The following NAALADL2 variants were observed in gnomAD, a reference collection of about 807,000 sequenced individuals.
NAALADL2 encodes inactive N-acetylated-alpha-linked acidic dipeptidase-like protein 2.
Under a neutral mutation model 87.2 loss-of-function variants are expected in NAALADL2, and 76 were observed. That is an observed-to-expected ratio of 0.87 (90% confidence interval 0.72 to 1.05). The LOEUF (loss-of-function observed/expected upper bound fraction) is 1.05, where lower values mean the gene tolerates loss of function less well. NAALADL2 is among the 50% of genes least tolerant of loss of function. The probability of loss-of-function intolerance (pLI) is 0.00; values close to 1 mark genes in which losing one functional copy is unlikely to be tolerated. For missense variants in NAALADL2, 1,089 were observed against 945.8 expected (o/e 1.15, Z -1.99); for synonymous variants, 354 against 331.0 (o/e 1.07, Z -0.75).
At chr3:175,732,430 G>T (rs921872540) in intron 11 of NAALADL2, among the ~76,000 whole-genome samples, 9 of 152,172 alleles carry the variant, frequency 5.9e-5, no homozygotes, top group African/African-American at 1.9e-4. Context: ...AAATTAATTT[G>T]TAAATGATTC....
intron 4 of NAALADL2, among the ~76,000 whole-genome samples, chr3:175,272,636 C>A (rs1460442463): frequency 6.6e-6 from 1 of 152,062 alleles, no homozygotes; most frequent in Non-Finnish European, 1.5e-5. Flanking sequence ...ATATGTCACC[C>A]CAGGTACAGC....
chr3:174,973,351 T>C (rs898365974), intron 1 of NAALADL2, among the ~76,000 whole-genome samples: 1 of 152,196 alleles, frequency 6.6e-6, no homozygotes, highest in African/African-American at 2.4e-5. Context: ...AATTAAGATG[T>C]TGCGATAAAC....
intron 11 of NAALADL2, among the ~76,000 whole-genome samples, chr3:175,635,462 G>A (rs374652869): frequency 2.0e-5 from 3 of 152,064 alleles, no homozygotes; most frequent in African/African-American, 7.2e-5. Flanking sequence ...ACATGTATTT[G>A]TTACAGAATC....
intron 1 of NAALADL2, among the ~76,000 whole-genome samples, chr3:175,052,942 T>C (rs574731336): frequency 6.6e-6 from 1 of 152,320 alleles, no homozygotes; most frequent in South Asian, 2.1e-4. Context: ...GGCCGTGGCA[T>C]GCAAACCGAG....
At chr3:175,331,020 T>C (rs187235957) in intron 5 of NAALADL2, among the ~76,000 whole-genome samples, 1 of 152,204 alleles carries the variant, frequency 6.6e-6, no homozygotes, top group Non-Finnish European at 1.5e-5. Flanking sequence ...TATGAACAAC[T>C]ATACACTAAC....
intron 11 of NAALADL2, among the ~76,000 whole-genome samples, chr3:175,667,193 AAGAAAGAAAGAAAG>A (rs1344797818): frequency 2.0e-5 from 2 of 99,920 alleles, no homozygotes; most frequent in African/African-American, 1.3e-4. Context: ...GAAAGAAAGA[AAGAAAGAAAGAAAG>A]AAAGAAAGAA....
At chr3:175,659,280 T>C (rs1341030790) in intron 11 of NAALADL2, among the ~76,000 whole-genome samples, 1 of 152,168 alleles carries the variant, frequency 6.6e-6, no homozygotes, top group Non-Finnish European at 1.5e-5. Context: ...AAGGGCAAAA[T>C]GGGAACATTG....
rs1370322139 is a variant in NAALADL2 at position 175,805,909 on chromosome 3, C to T, written c.*2706C>T. 6.6e-6 allele frequency: 1 copy of T among 151,846 alleles called. No homozygotes were observed. Among genetic ancestry groups the T allele is most frequent in the Non-Finnish European group, 1.5e-5 (1 of 67,872 alleles). The allele number at this position is 151,846 out of a possible 1,614,324, so 9.4% of individuals were successfully genotyped here. On this transcript the variant is annotated 3_prime_UTR_variant, in exon 14 of 14. Transcript: ENST00000454872. ...TTCTGGTCTAAGCCCTGAGATCTTG[C>T]CTTCAGCCAGAGAAGGCATTATCAA...
intron 3 of NAALADL2, among the ~76,000 whole-genome samples, chr3:174,820,783 T>G (rs992760378): frequency 6.6e-6 from 1 of 152,140 alleles, no homozygotes; most frequent in African/African-American, 2.4e-5. Context: ...GTTAATTTAA[T>G]AAAAGTAGTA....
chr3:175,068,343 T>C (rs1714938376), intron 1 of NAALADL2, among the ~76,000 whole-genome samples: 1 of 152,130 alleles, frequency 6.6e-6, no homozygotes, highest in Non-Finnish European at 1.5e-5. Context: ...TGGACATCAT[T>C]TGAAATAATT....
intron 11 of NAALADL2, among the ~76,000 whole-genome samples, chr3:175,720,649 C>G (rs1345678243): frequency 6.6e-6 from 1 of 151,614 alleles, no homozygotes; most frequent in Non-Finnish European, 1.5e-5. Context: ...AAACCCACAT[C>G]TAAAAAAAAA....
chr3:174,524,670 A>G (rs6805104), intron 1 of NAALADL2, among the ~76,000 whole-genome samples: 28,513 of 151,016 alleles, frequency 0.19, 2,884 homozygotes, highest in African/African-American at 0.26. Flanking sequence ...TCAGCCTCCT[A>G]CTGGGCAGCT....
intron 9 of NAALADL2, among the ~76,000 whole-genome samples, chr3:175,572,229 CA>C (rs1718185653): frequency 6.6e-6 from 1 of 151,996 alleles, no homozygotes; most frequent in Non-Finnish European, 1.5e-5. Context: ...TGAGGCGGCT[CA>C]AAAGTTAAGT....
chr3:175,590,720 T>C (rs4404458), intron 10 of NAALADL2, among the ~76,000 whole-genome samples: 134,280 of 151,842 alleles, frequency 0.88, 59,662 homozygotes, highest in Admixed American at 0.94. Context: ...TGATTCAATC[T>C]ACTACAAGGA....
chr3:174,843,014 G>A (rs1724196764), intron 3 of NAALADL2, among the ~76,000 whole-genome samples: 1 of 151,870 alleles, frequency 6.6e-6, no homozygotes, highest in African/African-American at 2.4e-5. Flanking sequence ...ATATATTTAT[G>A]AGGTTCAATT....
At chr3:175,655,365 G>C (rs1476868661) in intron 11 of NAALADL2, 1 of 216,156 alleles carries the variant, frequency 4.6e-6, no homozygotes, top group African/African-American at 2.3e-5. Flanking sequence ...GTAGTTCATA[G>C]GCAAGTTTTT....
chr3:174,814,039 A>G (rs1250556858), intron 3 of NAALADL2, among the ~76,000 whole-genome samples: 2 of 152,160 alleles, frequency 1.3e-5, no homozygotes, highest in African/African-American at 4.8e-5. Flanking sequence ...AGAAATACTA[A>G]TGGTGTCAGC....
intron 11 of NAALADL2, among the ~76,000 whole-genome samples, chr3:175,710,527 G>A (rs1413895758): frequency 6.6e-6 from 1 of 151,374 alleles, no homozygotes; most frequent in Non-Finnish European, 1.5e-5. Context: ...ATTTCTACAG[G>A]ATGAGTAAGT....
intron 4 of NAALADL2, among the ~76,000 whole-genome samples, chr3:175,321,101 A>G (rs1303812016): frequency 6.6e-6 from 1 of 150,496 alleles, no homozygotes. Flanking sequence ...AATACTGGCA[A>G]CCCGAATCCA....
Sources: gnomAD v4.1 joint callset for allele counts (sites outside exome capture counted in the v4.1 genomes callset) on GRCh38, gnomAD v4.1.1 for gene constraint, MANE v1.5 for transcripts, NCBI Gene and HGNC (gene_info 2026-07-23, HGNC 2026-07-21) for gene names.